The following ANGPT2 variants were observed in gnomAD, a reference collection of about 807,000 sequenced individuals.
ANGPT2 encodes the protein angiopoietin-2.
A neutral mutation model predicts 62.9 loss-of-function variants in ANGPT2; 28 were observed. The ratio of observed to expected loss-of-function variants is 0.44; its 90% CI spans 0.33 to 0.61. ANGPT2 has a LOEUF of 0.61. Among genes scored for constraint, ANGPT2 ranks in the 20% least tolerant of loss-of-function variants. The pLI, the probability that ANGPT2 is intolerant of heterozygous loss-of-function variation, is 0.03. For missense variants in ANGPT2, 727 were observed against 594.9 expected (o/e 1.22, Z -2.31); for synonymous variants, 284 against 207.8 (o/e 1.37, Z -3.15).
intron 1 of ANGPT2, among the ~76,000 whole-genome samples, chr8:6,548,167 C>T (rs1318970842): frequency 6.6e-6 from 1 of 152,164 alleles, no homozygotes; most frequent in African/African-American, 2.4e-5. Context: ...TCTTGGCCTT[C>T]TCCTGGAGTG....
chr8:6,509,191 C>G (rs1814422243), intron 7 of ANGPT2, 129 bp from the exon 8 acceptor site: 4 of 1,197,928 alleles, frequency 3.3e-6, no homozygotes, highest in South Asian at 1.5e-5. Flanking sequence ...CTAATGCATA[C>G]TCTGGACAAA....
chr8:6,516,548 A>G (rs1816310304), intron 5 of ANGPT2, among the ~76,000 whole-genome samples: 1 of 152,232 alleles, frequency 6.6e-6, no homozygotes, highest in South Asian at 2.1e-4. Flanking sequence ...CAGTTCATGA[A>G]TAATACTGCC....
In ANGPT2 at chr8:6,499,663, AACTTTTT is replaced by A. The variant is rs1811766397; in HGVS notation, c.*3431_*3437del. On this transcript the variant is annotated 3_prime_UTR_variant, in exon 9 of 9. Transcript: ENST00000629816. Reference sequence around the variant, plus strand: ...GTTATCGTGAGACTTTTTCTCAATCAACTTTTTATTAATATTCATAACATTTATGCAA... The same window carrying A: ...GTTATCGTGAGACTTTTTCTCAATCAATTAATATTCATAACATTTATGCAA... 1 of 560,630 alleles carries A rather than the reference AACTTTTT, an allele frequency of 1.8e-6. No individual in the cohort carries two copies. Among genetic ancestry groups the A allele is most frequent in the Non-Finnish European group, 3.2e-6 (1 of 314,642 alleles). 34.7% of individuals were successfully genotyped at this position (560,630 alleles called of 1,614,324 possible). A position where few individuals can be genotyped will look rare whatever the true frequency, so the allele number is the denominator to read the frequency against.
At chr8:6,560,990 C>G (rs141092652) in intron 1 of ANGPT2, among the ~76,000 whole-genome samples, 1 of 152,174 alleles carries the variant, frequency 6.6e-6, no homozygotes, top group Non-Finnish European at 1.5e-5. Context: ...TTTCATGCCT[C>G]GCTGTGACTC....
Position 6,502,031 on chromosome 8 carries a change from T to C in ANGPT2, c.*1070A>G, listed in dbSNP as rs1458531229. ...AGGGTGAATCTTGAGACATATAGCT[T>C]TGTAAATTTCTTAAATAGAAGGCTT... On this transcript the variant is annotated 3_prime_UTR_variant, in exon 9 of 9. Coordinates refer to ENST00000629816, the MANE Select transcript of ANGPT2 (RefSeq NM_001118887.2). 1 of 152,072 alleles carries C rather than the reference T, an allele frequency of 6.6e-6. No homozygotes were observed. Among genetic ancestry groups the C allele is most frequent in the Non-Finnish European group, 1.5e-5 (1 of 68,002 alleles). The allele number at this position is 152,072 out of a possible 1,614,324, so 9.4% of individuals were successfully genotyped here. A position where few individuals can be genotyped will look rare whatever the true frequency, so the allele number is the denominator to read the frequency against.
intron 1 of ANGPT2, among the ~76,000 whole-genome samples, chr8:6,536,418 A>G (rs1321905873): frequency 1.3e-5 from 2 of 152,016 alleles, no homozygotes; most frequent in Non-Finnish European, 2.9e-5. Flanking sequence ...AGCCAAAGTG[A>G]TATATCTCAA....
chr8:6,544,041 A>G (rs527872895), intron 1 of ANGPT2, among the ~76,000 whole-genome samples: 9 of 152,376 alleles, frequency 5.9e-5, no homozygotes, highest in African/African-American at 1.9e-4. Context: ...ATAAGAAACA[A>G]TGGAGCAAAA....
chr8:6,518,543 G>A lies in ANGPT2; in HGVS notation c.927+1321C>T, dbSNP rs144950462. ...GAATAGCACAATATTTATCTTTTCC[G>A]TTCATAATCAAGATACATGTTACTG... On this transcript the variant is annotated intron_variant, in intron 5 of 8. Transcript: ENST00000629816. Among the ~76,000 whole-genome samples the A allele has an allele frequency of 2.6e-4, 39 of 152,186 alleles. No individual in the cohort carries two copies. In the East Asian group the frequency reaches 2.9e-3, roughly 11 times the overall value.
chr8:6,551,299 G>T (rs991153386), intron 1 of ANGPT2, among the ~76,000 whole-genome samples: 20 of 152,162 alleles, frequency 1.3e-4, no homozygotes, highest in African/African-American at 4.3e-4. Flanking sequence ...GGTGAAGAAG[G>T]GGAAAGGAAG....
intron 3 of ANGPT2, among the ~76,000 whole-genome samples, chr8:6,524,048 G>C (rs1817881595): frequency 6.6e-6 from 1 of 152,080 alleles, no homozygotes; most frequent in Non-Finnish European, 1.5e-5. Flanking sequence ...AGTAAATAAA[G>C]CTTTCAAAAT....
intron 1 of ANGPT2, among the ~76,000 whole-genome samples, chr8:6,553,420 AGCACACC>A (rs1824022306): frequency 6.6e-6 from 1 of 152,208 alleles, no homozygotes; most frequent in South Asian, 2.1e-4. Flanking sequence ...AAAGTACACT[AGCACACC>A]GGGAGAATAA....
chr8:6,505,252 T>TAAC (rs1813129879), intron 8 of ANGPT2, among the ~76,000 whole-genome samples: 7 of 31,006 alleles, frequency 2.3e-4, no homozygotes, highest in East Asian at 3.1e-3. Flanking sequence ...ATATATTCTT[T>TAAC]ATATATGTTT....
At chr8:6,555,172 T>G (rs773283238) in intron 1 of ANGPT2, among the ~76,000 whole-genome samples, 5 of 152,186 alleles carry the variant, frequency 3.3e-5, no homozygotes, top group Non-Finnish European at 5.9e-5. Context: ...TTTTTAAGCA[T>G]TAACATAATC....
At chr8:6,526,148 G>A (rs888942375) in intron 3 of ANGPT2, among the ~76,000 whole-genome samples, 4 of 151,638 alleles carry the variant, frequency 2.6e-5, no homozygotes, top group African/African-American at 4.8e-5. Context: ...CGCCAGGTAC[G>A]GTGGCTCATG....
intron 1 of ANGPT2, among the ~76,000 whole-genome samples, chr8:6,560,300 T>C (rs1825327847): frequency 6.6e-6 from 1 of 152,222 alleles, no homozygotes; most frequent in Admixed American, 6.5e-5. Context: ...TCTGTGCTAA[T>C]TAAATCAGTG....
chr8:6,527,234 T>C (rs964566907), intron 3 of ANGPT2, among the ~76,000 whole-genome samples: 1 of 150,692 alleles, frequency 6.6e-6, no homozygotes, highest in African/African-American at 2.4e-5. Context: ...TTTGGGCCAG[T>C]GGTTCTTTCA....
At position 6,506,471 on chromosome 8, in the gene ANGPT2, C is replaced by T. The variant is rs140954372; in HGVS notation, c.1327+2461G>A. On this transcript the variant is annotated intron_variant, in intron 8 of 8. Coordinates refer to ENST00000629816, the MANE Select transcript of ANGPT2 (RefSeq NM_001118887.2). Reference sequence around the variant, plus strand: ...TTCCTTGGTTATTAATGCAATTCTCCTACTCTCCTGAGAAGCTCAGCACAT... The same window carrying T: ...TTCCTTGGTTATTAATGCAATTCTCTTACTCTCCTGAGAAGCTCAGCACAT... Among the ~76,000 whole-genome samples the T allele has an allele frequency of 3.5e-3, 537 of 152,276 alleles. 3 individuals carry two copies. Among genetic ancestry groups the T allele is most frequent in the African/African-American group, 0.011 (456 of 41,570 alleles).
chr8:6,523,643 G>T (rs1198538449), intron 3 of ANGPT2, among the ~76,000 whole-genome samples: 1 of 152,120 alleles, frequency 6.6e-6, no homozygotes, highest in Non-Finnish European at 1.5e-5. Flanking sequence ...GGGCTGTTGT[G>T]CAGTGGCGCG....
chr8:6,546,836 C>T (rs936973113), intron 1 of ANGPT2, among the ~76,000 whole-genome samples: 7 of 152,240 alleles, frequency 4.6e-5, no homozygotes, highest in East Asian at 1.9e-4. Flanking sequence ...ATATGTTTAT[C>T]GGAAAGCGAG....
Sources: allele counts gnomAD v4.1 joint callset (sites outside exome capture counted in the v4.1 genomes callset), GRCh38; gene constraint gnomAD v4.1.1; transcripts MANE v1.5; gene names NCBI Gene and HGNC (gene_info 2026-07-23, HGNC 2026-07-21).